Variants in CLIP2 observed in about 807,000 individuals in gnomAD.
CLIP2 encodes CAP-Gly domain containing linker protein 2.
In CLIP2, 41 loss-of-function variants were observed where a neutral mutation model predicts 111.7. That is an observed-to-expected ratio of 0.37 (90% CI 0.29 to 0.48). The LOEUF is 0.48. Ranked by LOEUF, CLIP2 falls within the 20% of genes least tolerant of loss-of-function variation. CLIP2 has a pLI of 0.99. For missense variants in CLIP2, 1,160 were observed against 1,422.1 expected, an observed-to-expected ratio of 0.82 and a Z score of 2.96; for synonymous variants, 660 against 644.2, an observed-to-expected ratio of 1.02 and a Z score of -0.37.
At chr7:74,387,665 T>C (rs990269493) in intron 12 of CLIP2, among the ~76,000 whole-genome samples, 3 of 152,178 alleles carry the variant, frequency 2.0e-5, no homozygotes, top group Non-Finnish European at 2.9e-5. Context: ...CAAGGCAGAA[T>C]TGGCCCCAAA....
intron 12 of CLIP2, among the ~76,000 whole-genome samples, chr7:74,387,322 C>T (rs1791140933): frequency 6.6e-6 from 1 of 152,134 alleles, no homozygotes; most frequent in Non-Finnish European, 1.5e-5. Flanking sequence ...AATCTCAGCT[C>T]ACTGAAACCT....
chr7:74,296,040 G>A (rs1267852887), intron 1 of CLIP2, among the ~76,000 whole-genome samples: 1 of 145,720 alleles, frequency 6.9e-6, no homozygotes, highest in Non-Finnish European at 1.5e-5. Context: ...AAGTTCAAAT[G>A]AGGTCATTTG....
chr7:74,319,462 C>A (rs1439562265), intron 2 of CLIP2, among the ~76,000 whole-genome samples: 1 of 152,060 alleles, frequency 6.6e-6, no homozygotes, highest in Non-Finnish European at 1.5e-5. Context: ...GAGCCGAGCT[C>A]ATGCCACTGT....
At chr7:74,312,130 T>G (rs1028686141) in intron 1 of CLIP2, among the ~76,000 whole-genome samples, 6 of 152,064 alleles carry the variant, frequency 3.9e-5, no homozygotes, top group Non-Finnish European at 8.8e-5. Context: ...ACGCCTGTAG[T>G]CCCAGCTACT....
rs1791700662 is a variant in CLIP2 at position 74,404,112 on chromosome 7, G to C, written c.*264G>C. The C allele has an allele frequency of 2.0e-6, 1 of 489,348 alleles. No homozygotes were observed. The highest frequency in any genetic ancestry group is 1.9e-5 in the African/African-American group (1 of 51,438). The allele number at this position is 489,348 out of a possible 1,614,324, so 30.3% of individuals were successfully genotyped here. ...GGACCTTCAGCCTGGACACCCGGCA[G>C]CTTCTGGAGTTTGTCAGTGGAGGCA... is the stretch of plus-strand genomic sequence containing the variant. On this transcript the variant is annotated 3_prime_UTR_variant, in exon 17 of 17. Coordinates refer to ENST00000223398, the MANE Select transcript of CLIP2 (RefSeq NM_003388.5).
At chr7:74,294,748 A>G (rs1788123514) in intron 1 of CLIP2, among the ~76,000 whole-genome samples, 1 of 152,070 alleles carries the variant, frequency 6.6e-6, no homozygotes, top group Non-Finnish European at 1.5e-5. Flanking sequence ...GCTTTTACTA[A>G]ATTGGGAAGA....
chr7:74,348,679 A>G (rs1789879659), intron 3 of CLIP2, among the ~76,000 whole-genome samples: 1 of 151,518 alleles, frequency 6.6e-6, no homozygotes, highest in African/African-American at 2.4e-5. Context: ...AGTCCCAGCT[A>G]CTTGGGAGGC....
chr7:74,335,687 C>CT (rs1259072484), intron 2 of CLIP2, among the ~76,000 whole-genome samples: 1 of 148,266 alleles, frequency 6.7e-6, no homozygotes, highest in Non-Finnish European at 1.5e-5. Flanking sequence ...TGCTTCCTTC[C>CT]TTTCTCTTTT....
At chr7:74,297,572 T>TG (rs1354289526) in intron 1 of CLIP2, among the ~76,000 whole-genome samples, 1 of 151,976 alleles carries the variant, frequency 6.6e-6, no homozygotes, top group Non-Finnish European at 1.5e-5. Context: ...CCTCCAGTGA[T>TG]GGGGGGCTCA....
In CLIP2 at chr7:74,364,245, TC is replaced by T. The variant is rs1286404163; in HGVS notation, c.1320-6del. The stretch of plus-strand genomic sequence containing the variant: ...AAGCCAGGTCAGCCACCTCTTTCCC[TC>T]CCCTGCAGGAAGGTGGAGGATCTGC... On this transcript the variant is annotated splice_polypyrimidine_tract_variant and intron_variant, in intron 7 of 16. Transcript: ENST00000223398. The T allele has an allele frequency of 6.2e-7, 1 of 1,611,884 alleles. No individual in the cohort carries two copies. The highest frequency in any genetic ancestry group is 8.5e-7 in the Non-Finnish European group (1 of 1,179,098).
At chr7:74,302,992 A>G (rs1162142941) in intron 1 of CLIP2, among the ~76,000 whole-genome samples, 1 of 152,112 alleles carries the variant, frequency 6.6e-6, no homozygotes, top group Non-Finnish European at 1.5e-5. Flanking sequence ...CTGGGGCTGC[A>G]GCTCCCCGCA....
intron 3 of CLIP2, among the ~76,000 whole-genome samples, chr7:74,348,517 C>G (rs1179187864): frequency 6.6e-6 from 1 of 151,720 alleles, no homozygotes; most frequent in Non-Finnish European, 1.5e-5. Context: ...GGGCCGGGTG[C>G]GGTGGCTCAC....
intron 11 of CLIP2, among the ~76,000 whole-genome samples, chr7:74,385,985 A>C (rs1449317767): frequency 2.0e-5 from 3 of 147,706 alleles, no homozygotes; most frequent in Non-Finnish European, 4.5e-5. Context: ...CAGGTGATCC[A>C]CCTGCCTTGG....
intron 3 of CLIP2, among the ~76,000 whole-genome samples, chr7:74,350,261 A>C (rs987876269): frequency 1.3e-5 from 2 of 152,116 alleles, no homozygotes; most frequent in South Asian, 2.1e-4. Context: ...CATGTTGCCC[A>C]GGCTGGTCTC....
intron 11 of CLIP2, chr7:74,381,587 G>A (rs782265598): frequency 4.4e-6 from 2 of 456,094 alleles, no homozygotes; most frequent in South Asian, 3.1e-5. Context: ...TGAAGGCGCA[G>A]TGTTAGCTTC....
At chr7:74,317,981 C>T (rs1040070395) in intron 2 of CLIP2, among the ~76,000 whole-genome samples, 11 of 151,932 alleles carry the variant, frequency 7.2e-5, no homozygotes, top group African/African-American at 2.4e-4. Context: ...CACTGGAGGT[C>T]AAGAGTTCGA....
Position 74,338,796 on chromosome 7 carries a change from A to ATGCCCACTCCGTGGAGTCGCTGAC in CLIP2, c.477_500dup (p.His159_Ala166dup). On this transcript the variant is annotated inframe_insertion, in exon 3 of 17. Transcript: ENST00000223398. This position sits in a 1 kb window ranked among gnomAD's most constrained non-coding sequence, Gnocchi z 4.3. ...CCCACGGCCGAGGGCTCGGGGAGTG[A>ATGCCCACTCCGTGGAGTCGCTGAC]TGCCCACTCCGTGGAGTCGCTGACT... The ATGCCCACTCCGTGGAGTCGCTGAC allele has an allele frequency of 6.8e-6, 11 of 1,611,152 alleles. No individual in the cohort carries two copies. The highest frequency in any genetic ancestry group is 9.3e-6 in the Non-Finnish European group (11 of 1,179,754).
chr7:74,329,869 TC>T (rs1789226484), intron 2 of CLIP2, among the ~76,000 whole-genome samples: 1 of 152,124 alleles, frequency 6.6e-6, no homozygotes. Flanking sequence ...AACCTCTGCC[TC>T]CTGGGTTCAA....
chr7:74,385,730 G>A (rs868951795), intron 11 of CLIP2, among the ~76,000 whole-genome samples: 1 of 146,498 alleles, frequency 6.8e-6, no homozygotes, highest in African/African-American at 2.6e-5. Flanking sequence ...ACATAGTGTC[G>A]GGTCTTCTTT....
Sources: allele counts gnomAD v4.1 joint callset (sites outside exome capture counted in the v4.1 genomes callset), GRCh38; gene constraint gnomAD v4.1.1; non-coding constraint Gnocchi (gnomAD v3.1); transcripts MANE v1.5; gene names NCBI Gene and HGNC (gene_info 2026-07-23, HGNC 2026-07-21).